SLC12A1: variants seen among roughly 807,000 people sequenced by gnomAD.
SLC12A1 encodes the protein Na-K-2Cl cotransporter.
In SLC12A1, 89 loss-of-function variants were observed where a neutral mutation model predicts 130.4. That is an observed-to-expected ratio of 0.68 (90% CI 0.58 to 0.81). SLC12A1 has a LOEUF of 0.81. Ranked by LOEUF, SLC12A1 falls within the 40% of genes least tolerant of loss-of-function variation. The pLI is 0.00. For missense variants in SLC12A1, 1,310 were observed against 1,336.4 expected (o/e 0.98, Z 0.31); for synonymous variants, 499 against 460.0 (o/e 1.08, Z -1.09).
intron 2 of SLC12A1, among the ~76,000 whole-genome samples, chr15:48,213,575 C>G (rs1427824171): frequency 6.7e-6 from 1 of 149,138 alleles, no homozygotes; most frequent in Non-Finnish European, 1.5e-5. Context: ...GCAATCTTGG[C>G]TCACTGCAAG....
intron 25 of SLC12A1, among the ~76,000 whole-genome samples, chr15:48,300,898 T>C (rs2042225212): frequency 6.6e-6 from 1 of 152,214 alleles, no homozygotes; most frequent in Non-Finnish European, 1.5e-5. Context: ...TTCAATCGGT[T>C]TCTTTTTTAA....
intron 21 of SLC12A1, 127 bp downstream of exon 21, chr15:48,285,376 C>A: frequency 2.4e-6 from 2 of 829,496 alleles, no homozygotes; most frequent in Non-Finnish European, 3.8e-6. Flanking sequence ...TGAAAGGTTT[C>A]TCTCCAGAAG....
At chr15:48,255,960 C>A in intron 16 of SLC12A1, 50 bp downstream of exon 16, 2 of 1,132,462 alleles carry the variant, frequency 1.8e-6, no homozygotes, top group Non-Finnish European at 2.6e-6. Context: ...CTAGAAGTGG[C>A]TCTCCTTTAT....
intron 2 of SLC12A1, among the ~76,000 whole-genome samples, chr15:48,213,137 C>G (rs927018240): frequency 1.3e-5 from 2 of 152,198 alleles, no homozygotes; most frequent in African/African-American, 4.8e-5. Flanking sequence ...AAACCAAGGT[C>G]ACATGCTCAT....
chr15:48,249,088 T>C (rs2041617442), intron 13 of SLC12A1, among the ~76,000 whole-genome samples: 1 of 152,076 alleles, frequency 6.6e-6, no homozygotes, highest in Non-Finnish European at 1.5e-5. Context: ...GAGGTAGAAC[T>C]CTCTAGAGAT....
At chr15:48,273,836 G>A (rs2041922714) in intron 19 of SLC12A1, among the ~76,000 whole-genome samples, 2 of 152,092 alleles carry the variant, frequency 1.3e-5, no homozygotes, top group Admixed American at 1.3e-4. Flanking sequence ...ATCCATAGAA[G>A]TATAAACAAA....
intron 24 of SLC12A1, 137 bp from the exon 25 acceptor site, chr15:48,299,003 G>C: frequency 1.3e-6 from 1 of 776,188 alleles, no homozygotes; most frequent in East Asian, 2.8e-5. Context: ...TAAATTCCCT[G>C]CAAAGATAAT....
At chr15:48,240,092 C>G (rs1242977231) in intron 9 of SLC12A1, among the ~76,000 whole-genome samples, 10 of 60,408 alleles carry the variant, frequency 1.7e-4, no homozygotes, top group South Asian at 1.0e-3. Context: ...TATATATATC[C>G]ATATATATAT....
intron 17 of SLC12A1, among the ~76,000 whole-genome samples, chr15:48,265,537 T>A (rs1348671681): frequency 1.3e-5 from 2 of 152,192 alleles, no homozygotes; most frequent in Non-Finnish European, 2.9e-5. Context: ...TCAAAATGCA[T>A]TGACAATCTG....
intron 17 of SLC12A1, among the ~76,000 whole-genome samples, chr15:48,266,691 A>T (rs1295574876): frequency 2.0e-5 from 3 of 152,218 alleles, no homozygotes; most frequent in Admixed American, 1.3e-4. Context: ...AATTAAAAGA[A>T]TTTCCTGGGA....
chr15:48,277,212 C>G (rs1426722), intron 20 of SLC12A1, among the ~76,000 whole-genome samples: 2 of 151,132 alleles, frequency 1.3e-5, no homozygotes, highest in Non-Finnish European at 2.9e-5. Flanking sequence ...AAATTGAAGA[C>G]GTAGGCAAAG....
chr15:48,244,896 A>G lies in SLC12A1; in HGVS notation c.1444A>G (p.Asn482Asp), dbSNP rs143970466. 3 of 1,613,854 alleles carry G rather than the reference A, an allele frequency of 1.9e-6. No individual in the cohort carries two copies. Among genetic ancestry groups the G allele is most frequent in the Non-Finnish European group, 2.5e-6 (3 of 1,179,820 alleles). ...ACCATGTCAGTACGGGCTGATGAAC[A>G]ATTTCCAGGTTTGAAGCAAAATTCA... ...HEPCQYGLMNNFQVMSMVSGF... is the reference protein window; with the variant it reads ...HEPCQYGLMNDFQVMSMVSGF... The change falls in exon 11 of 27, where the codon AAT (asparagine) becomes GAT (aspartate). Residue 482 changes from asparagine to aspartate, a missense_variant. Physicochemically the swap from Asn to Asp is conservative, Grantham distance 23. Coordinates refer to ENST00000380993, the MANE Select transcript of SLC12A1 (RefSeq NM_000338.3).
intron 14 of SLC12A1, among the ~76,000 whole-genome samples, chr15:48,250,676 T>A (rs57296266): frequency 0.12 from 18,055 of 145,786 alleles, 1,281 homozygotes; most frequent in Admixed American, 0.17. Context: ...AATGTCTGCC[T>A]CACACACACA....
In SLC12A1 at chr15:48,258,087, C is replaced by A. The variant is rs1028898000; in HGVS notation, c.2043-1113C>A. Among the ~76,000 whole-genome samples the A allele has an allele frequency of 1.6e-4, 20 of 122,660 alleles. 8 individuals carry two copies. Among genetic ancestry groups the A allele is most frequent in the African/African-American group, 9.7e-4 (19 of 19,494 alleles). The allele number at this position is 122,660 out of a possible 152,430, so 80.5% of individuals were successfully genotyped here. Reference sequence around the variant, plus strand: ...AGCAAGAGTGACCTTTACGGCCGGGCGCGGTGGCTCACGCCTGTAATCCCA... The same window carrying A: ...AGCAAGAGTGACCTTTACGGCCGGGAGCGGTGGCTCACGCCTGTAATCCCA... On this transcript the variant is annotated intron_variant, in intron 16 of 26. Coordinates refer to ENST00000380993, the MANE Select transcript of SLC12A1 (RefSeq NM_000338.3).
At chr15:48,255,389 G>T (rs138828836) in intron 15 of SLC12A1, among the ~76,000 whole-genome samples, 290 of 149,296 alleles carry the variant, frequency 1.9e-3, no homozygotes, top group African/African-American at 7.0e-3. Flanking sequence ...AGTGAGCCAA[G>T]ATCGTGCCAC....
chr15:48,229,866 A>T (rs2041348823), intron 6 of SLC12A1, among the ~76,000 whole-genome samples: 1 of 152,310 alleles, frequency 6.6e-6, no homozygotes, highest in African/African-American at 2.4e-5. Flanking sequence ...TCTCATAGTA[A>T]TGATAGCATT....
intron 17 of SLC12A1, 38 bp from the exon 18 acceptor site, chr15:48,267,523 T>C: frequency 6.2e-7 from 1 of 1,610,280 alleles, no homozygotes; most frequent in African/African-American, 1.3e-5. Context: ...TGATATATAA[T>C]AGCAGGGTTC....
At chr15:48,264,157 C>G (rs962295456) in intron 17 of SLC12A1, among the ~76,000 whole-genome samples, 1 of 152,280 alleles carries the variant, frequency 6.6e-6, no homozygotes. Context: ...AATCTATTTT[C>G]ATTCATGTTT....
chr15:48,286,244 T>C (rs2042058009), intron 21 of SLC12A1, among the ~76,000 whole-genome samples: 1 of 152,190 alleles, frequency 6.6e-6, no homozygotes, highest in Non-Finnish European at 1.5e-5. Context: ...CAGAGAATGA[T>C]GGGAAATCCA....
Sources: allele counts gnomAD v4.1 joint callset (sites outside exome capture counted in the v4.1 genomes callset), GRCh38; gene constraint gnomAD v4.1.1; transcripts MANE v1.5; gene names NCBI Gene and HGNC (gene_info 2026-07-23, HGNC 2026-07-21).